The following TMEM163 variants were observed in gnomAD, a reference collection of about 807,000 sequenced individuals.
The protein encoded by TMEM163 is transmembrane protein 163.
In TMEM163, 17 loss-of-function variants were observed where a neutral mutation model predicts 29.3. The observed-to-expected ratio is 0.58, with a 90% CI of 0.40 to 0.87. The LOEUF is 0.87. TMEM163 is among the 40% of genes least tolerant of loss of function. TMEM163 has a pLI of 0.00. For synonymous variants in TMEM163, 157 were observed against 160.6 expected (o/e 0.98, Z 0.17); for missense variants, 303 against 381.5 (o/e 0.79, Z 1.71).
intron 2 of TMEM163, among the ~76,000 whole-genome samples, chr2:134,656,258 C>T (rs1164180323): frequency 1.3e-5 from 2 of 150,776 alleles, no homozygotes; most frequent in Non-Finnish European, 2.9e-5. Context: ...TGGTTCGCCG[C>T]TTTTTAAGCC....
At chr2:134,681,701 C>T (rs970902771) in intron 2 of TMEM163, among the ~76,000 whole-genome samples, 1 of 152,210 alleles carries the variant, frequency 6.6e-6, no homozygotes, top group Non-Finnish European at 1.5e-5. Flanking sequence ...TCCCACACTG[C>T]ATTCCTCCTG....
chr2:134,598,932 AAAAGAAAGAAAG>A (rs1230212027), intron 2 of TMEM163, among the ~76,000 whole-genome samples: 1 of 145,658 alleles, frequency 6.9e-6, no homozygotes, highest in African/African-American at 2.5e-5. Context: ...AAAAAAAAAA[AAAAGAAAGAAAG>A]AAAAGAAAGC....
intron 5 of TMEM163, among the ~76,000 whole-genome samples, chr2:134,494,063 G>A (rs1306399165): frequency 6.6e-6 from 1 of 152,148 alleles, no homozygotes; most frequent in Non-Finnish European, 1.5e-5. Context: ...AAAAAGGATT[G>A]TTAACAGACA....
At chr2:134,534,801 T>A (rs1261951149) in intron 4 of TMEM163, among the ~76,000 whole-genome samples, 1 of 152,058 alleles carries the variant, frequency 6.6e-6, no homozygotes, top group Non-Finnish European at 1.5e-5. Context: ...TTTATTCTAC[T>A]TAGAAAAGGC....
At position 134,655,317 on chromosome 2, in the gene TMEM163, C is replaced by G. The variant is rs1281782778; in HGVS notation, c.322+57883G>C. 2.4e-5 allele frequency among the ~76,000 whole-genome samples: 3 copies of G among 126,350 alleles called. 1 individual carries two copies. The highest frequency in any genetic ancestry group is 4.8e-5 in the Non-Finnish European group (3 of 62,800). The allele number at this position is 126,350 out of a possible 152,430, so 82.9% of individuals were successfully genotyped here. ...TTCATTTCATCTTCCATTGCTGATA[C>G]CCTTTCTTCCAGTTGATCGCATCAG... is the stretch of plus-strand genomic sequence containing the variant. On this transcript the variant is annotated intron_variant, in intron 2 of 7. Coordinates refer to ENST00000281924, the MANE Select transcript of TMEM163 (RefSeq NM_030923.5).
intron 5 of TMEM163, among the ~76,000 whole-genome samples, chr2:134,486,236 A>G (rs1679302714): frequency 6.6e-6 from 1 of 152,240 alleles, no homozygotes; most frequent in Non-Finnish European, 1.5e-5. Context: ...ATTAAGTGCC[A>G]ACTGCTAAAA....
intron 2 of TMEM163, among the ~76,000 whole-genome samples, chr2:134,635,917 T>C (rs747867071): frequency 9.9e-5 from 15 of 152,092 alleles, no homozygotes; most frequent in Non-Finnish European, 1.6e-4. Context: ...GGGTTGACAC[T>C]CATTGGGGAG....
At chr2:134,647,749 G>C (rs537727742) in intron 2 of TMEM163, among the ~76,000 whole-genome samples, 2 of 152,334 alleles carry the variant, frequency 1.3e-5, no homozygotes, top group African/African-American at 4.8e-5. Context: ...GAGCTAGCTG[G>C]CTGCTTCATT....
intron 5 of TMEM163, among the ~76,000 whole-genome samples, chr2:134,489,646 A>C (rs1679386197): frequency 6.6e-6 from 1 of 152,120 alleles, no homozygotes; most frequent in Admixed American, 6.5e-5. Context: ...ACAATGTTAT[A>C]GTTCCTATGA....
intron 2 of TMEM163, among the ~76,000 whole-genome samples, chr2:134,556,668 A>G (rs1037957764): frequency 1.3e-5 from 2 of 152,078 alleles, no homozygotes; most frequent in Non-Finnish European, 2.9e-5. Flanking sequence ...AAAAAATTTT[A>G]AAATTAGCTG....
At chr2:134,647,654 C>T (rs1280589411) in intron 2 of TMEM163, among the ~76,000 whole-genome samples, 3 of 152,230 alleles carry the variant, frequency 2.0e-5, no homozygotes, top group Non-Finnish European at 4.4e-5. Flanking sequence ...CACCCACCAC[C>T]AGTTTTGAGC....
At chr2:134,664,108 T>C (rs59938379) in intron 2 of TMEM163, among the ~76,000 whole-genome samples, 12,730 of 152,348 alleles carry the variant, frequency 0.084, 603 homozygotes, top group South Asian at 0.17. Context: ...ATTCCAGGTC[T>C]AAATGTCTCA....
intron 7 of TMEM163, among the ~76,000 whole-genome samples, chr2:134,457,317 G>T (rs1239473402): frequency 6.6e-6 from 1 of 152,206 alleles, no homozygotes; most frequent in Non-Finnish European, 1.5e-5. Flanking sequence ...GACTGGAAGT[G>T]CTGGGGCGAA....
chr2:134,579,956 T>C (rs1681654322), intron 2 of TMEM163, among the ~76,000 whole-genome samples: 1 of 152,096 alleles, frequency 6.6e-6, no homozygotes, highest in African/African-American at 2.4e-5. Context: ...AGACCTAGTC[T>C]TTAAAAAAAT....
At chr2:134,590,135 C>A (rs1041981122) in intron 2 of TMEM163, among the ~76,000 whole-genome samples, 1 of 141,896 alleles carries the variant, frequency 7.0e-6, no homozygotes. Flanking sequence ...TTTTTTTTTT[C>A]TATAAGAGTC....
At chr2:134,550,922 G>A (rs1286150093) in intron 3 of TMEM163, among the ~76,000 whole-genome samples, 1 of 152,212 alleles carries the variant, frequency 6.6e-6, no homozygotes, top group Non-Finnish European at 1.5e-5. Context: ...CGGAAGGTGG[G>A]GGAGTTCACT....
chr2:134,531,741 T>A (rs1004366526), intron 4 of TMEM163, among the ~76,000 whole-genome samples: 3 of 152,208 alleles, frequency 2.0e-5, no homozygotes, highest in African/African-American at 7.2e-5. Flanking sequence ...CGTGTTCAGG[T>A]ATCTGGAGCT....
chr2:134,604,810 C>A (rs1457560279), intron 2 of TMEM163, among the ~76,000 whole-genome samples: 6 of 152,292 alleles, frequency 3.9e-5, no homozygotes, highest in African/African-American at 1.2e-4. Flanking sequence ...ATATTCTCAA[C>A]TTTACTAATA....
At chr2:134,582,743 C>T (rs1327445351) in intron 2 of TMEM163, among the ~76,000 whole-genome samples, 1 of 152,120 alleles carries the variant, frequency 6.6e-6, no homozygotes, top group East Asian at 1.9e-4. Flanking sequence ...CAAGCTGATG[C>T]TTTAGTTTTG....
Sources: allele counts gnomAD v4.1 joint callset (sites outside exome capture counted in the v4.1 genomes callset), GRCh38; gene constraint gnomAD v4.1.1; transcripts MANE v1.5; gene names NCBI Gene and HGNC (gene_info 2026-07-23, HGNC 2026-07-21).